The following POLR1C variants were observed in gnomAD, a reference collection of about 807,000 sequenced individuals.
POLR1C encodes the protein RNA polymerase I and III subunit C.
POLR1C carries 42 observed loss-of-function variants against 38.3 expected under a neutral mutation model. The observed-to-expected ratio is 1.10, with a 90% CI of 0.86 to 1.42. POLR1C has a LOEUF of 1.42. Ranked by LOEUF, POLR1C falls within the 40% of genes most tolerant of loss-of-function variation. The probability of loss-of-function intolerance (pLI) is 0.00; values close to 1 mark genes in which losing one functional copy is unlikely to be tolerated. For synonymous variants in POLR1C, 163 were observed against 163.9 expected (o/e 0.99, Z 0.04); for missense variants, 507 against 450.5 (o/e 1.13, Z -1.14).
At chr6:43,537,931 G>A (rs568552003) in intron 9 of POLR1C, among the ~76,000 whole-genome samples, 110 of 151,768 alleles carry the variant, frequency 7.2e-4, no homozygotes, top group African/African-American at 2.6e-3. Context: ...AGCCAGGCGT[G>A]GTGGCGCACA....
chr6:43,526,042 T>C (rs1336092878), downstream of POLR1C: 1 of 1,079,498 alleles, frequency 9.3e-7, no homozygotes, highest in Non-Finnish European at 1.4e-6. Context: ...GGTGGCTAAG[T>C]AGTACTAGGA....
In POLR1C at chr6:43,520,121, C is replaced by T. The variant is rs753845398; in HGVS notation, c.438C>T (p.Cys146=). The change falls in exon 5 of 9, where the codon TGC becomes TGT. Residue 146 remains cysteine (C), a synonymous_variant. Transcript: ENST00000642195. The part of the protein sequence containing the change: ...DTLQFRLQVR[C]TRNPHAAKDS... ...TACAGTTTCGTCTCCAGGTCAGATG[C>T]ACTCGGAACCCCCATGCTGCTAAAG... 1 of 1,614,214 alleles carries T rather than the reference C, an allele frequency of 6.2e-7. No homozygotes were observed. Among genetic ancestry groups the T allele is most frequent in the East Asian group, 2.2e-5 (1 of 44,890 alleles).
intron 9 of POLR1C, among the ~76,000 whole-genome samples, chr6:43,537,996 A>T (rs547724496): frequency 1.3e-3 from 193 of 148,934 alleles, no homozygotes; most frequent in Non-Finnish European, 2.3e-3. Context: ...GAGGCAGGAG[A>T]ATTGCTTGAT....
intron 8 of POLR1C, chr6:43,527,333 G>A (rs768532788): frequency 4.3e-5 from 11 of 253,698 alleles, no homozygotes; most frequent in African/African-American, 6.8e-5. Flanking sequence ...GTGCAGTGGC[G>A]TGATTTCGGC....
chr6:43,534,719 T>C (rs192476352), intron 9 of POLR1C, among the ~76,000 whole-genome samples: 110 of 152,302 alleles, frequency 7.2e-4, no homozygotes, highest in African/African-American at 2.6e-3. Flanking sequence ...CATTCTAGGC[T>C]GGGCTCGGTG....
At chr6:43,544,691 T>C (rs1794879830) in intron 9 of POLR1C, among the ~76,000 whole-genome samples, 1 of 152,074 alleles carries the variant, frequency 6.6e-6, no homozygotes, top group African/African-American at 2.4e-5. Context: ...TTTGGGAGAC[T>C]GAAGCAGGCT....
At chr6:43,538,139 CTTTT>C (rs1160662301) in intron 9 of POLR1C, among the ~76,000 whole-genome samples, 158 of 48,942 alleles carry the variant, frequency 3.2e-3, no homozygotes, top group African/African-American at 8.6e-3. Context: ...TAAGAGACAT[CTTTT>C]TTTTTTTTTT....
chr6:43,522,515 T>C (rs535450639), downstream of POLR1C: 564 of 223,654 alleles, frequency 2.5e-3, 1 homozygote, highest in South Asian at 9.2e-3. Context: ...AATAGGCAGC[T>C]ATCAGGTTTG....
chr6:43,529,123 T>C (rs1210720129), intron 8 of POLR1C: 50 of 1,164,372 alleles, frequency 4.3e-5, no homozygotes, highest in Non-Finnish European at 5.7e-5. Context: ...CATTATACTC[T>C]TAGTTTAGCT....
chr6:43,558,512 G>C, intron 10 of POLR1C: 1 of 1,600,944 alleles, frequency 6.2e-7, no homozygotes, highest in Non-Finnish European at 8.5e-7. Flanking sequence ...GTTGAAGAAA[G>C]CATTGAAGTC....
chr6:43,521,386 T>C lies in POLR1C; in HGVS notation c.*86T>C. ...TGCTGAACAGAGAGCCCAGTGTGAC[T>C]AGGGATCCTGAGTTTTCTGGGACAA... On this transcript the variant is annotated 3_prime_UTR_variant, in exon 9 of 9. Coordinates refer to ENST00000642195, the MANE Select transcript of POLR1C (RefSeq NM_203290.4). 9 of 1,604,120 alleles carry C rather than the reference T, an allele frequency of 5.6e-6. No individual in the cohort carries two copies. The highest frequency in any genetic ancestry group is 6.8e-6 in the Non-Finnish European group (8 of 1,176,144).
At chr6:43,520,813 T>C (rs1321522359) in intron 7 of POLR1C, 39 bp downstream of exon 7, 3 of 1,612,186 alleles carry the variant, frequency 1.9e-6, no homozygotes, top group Admixed American at 1.7e-5. Flanking sequence ...AGGACCTAAA[T>C]TATATTTTCT....
Position 43,521,191 on chromosome 6 carries a change from A to T in POLR1C, c.932A>T (p.Glu311Val). The T allele has an allele frequency of 1.2e-6, 2 of 1,614,110 alleles. No individual in the cohort carries two copies. Among genetic ancestry groups the T allele is most frequent in the Non-Finnish European group, 1.7e-6 (2 of 1,180,004 alleles). The change falls in exon 9 of 9, where the codon GAG (glutamate) becomes GTG (valine). Residue 311 changes from glutamate (E) to valine (V), a missense_variant. Physicochemically the swap from Glu to Val is moderately radical, Grantham distance 121. Transcript: ENST00000642195. ...TCTCTTTGGTCCCCAGTCTCTGTTG[A>T]GTCAACGGGGGTGTTGCCACCAGAT... ...RVRDHYIFSV[E>V]STGVLPPDVL...
At chr6:43,526,499 C>T (rs1793599186), downstream of POLR1C, 2 of 624,064 alleles carry the variant, frequency 3.2e-6, no homozygotes, top group Middle Eastern at 3.1e-4. Flanking sequence ...ACAGAGGAAA[C>T]AGCAAGTGCA....
chr6:43,528,495 G>A (rs1057059152), intron 8 of POLR1C, among the ~76,000 whole-genome samples: 1 of 151,946 alleles, frequency 6.6e-6, no homozygotes, highest in Non-Finnish European at 1.5e-5. Context: ...CACCCAGCTG[G>A]TCCCCCTGCT....
At chr6:43,529,378 T>TTA (rs1793807503) in exon 9 of POLR1C, 2 of 121,834 alleles carry the variant, frequency 1.6e-5, no homozygotes, top group Non-Finnish European at 3.0e-5. Context: ...CCGTCTCTAC[T>TTA]AAAAAAAAAA....
chr6:43,542,520 C>G (rs568730731), intron 9 of POLR1C, among the ~76,000 whole-genome samples: 1 of 152,234 alleles, frequency 6.6e-6, no homozygotes, highest in East Asian at 1.9e-4. Context: ...AGCGATTCTC[C>G]TACCTCAGCC....
chr6:43,546,735 G>A (rs1378862891), intron 9 of POLR1C: 3 of 1,599,358 alleles, frequency 1.9e-6, no homozygotes, highest in African/African-American at 2.7e-5. Context: ...CCAGAATGCT[G>A]TATACACAAA....
intron 10 of POLR1C, chr6:43,560,780 C>T (rs1341170305): frequency 1.4e-6 from 1 of 703,910 alleles, no homozygotes; most frequent in South Asian, 1.8e-5. Context: ...GCCAATAATT[C>T]TCTTAATGAA....
Sources: gnomAD v4.1 joint callset for allele counts (sites outside exome capture counted in the v4.1 genomes callset) on GRCh38, gnomAD v4.1.1 for gene constraint, MANE v1.5 for transcripts, NCBI Gene and HGNC (gene_info 2026-07-23, HGNC 2026-07-21) for gene names.